DOCK3: variants seen among roughly 807,000 people sequenced by gnomAD.
DOCK3 encodes the protein dedicator of cytokinesis 3.
A neutral mutation model predicts 265.6 loss-of-function variants in DOCK3; 60 were observed. The ratio of observed to expected loss-of-function variants is 0.23; its 90% CI spans 0.18 to 0.28. The LOEUF (loss-of-function observed/expected upper bound fraction) is 0.28, where lower values mean the gene tolerates loss of function less well. Among genes scored for constraint, DOCK3 ranks in the 10% least tolerant of loss-of-function variants. The pLI, the probability that DOCK3 is intolerant of heterozygous loss-of-function variation, is 1.00. For synonymous variants in DOCK3, 881 were observed against 938.0 expected (o/e 0.94, Z 1.11); for missense variants, 1,981 against 2,594.3 (o/e 0.76, Z 5.14).
chr3:51,329,232 T>C (rs1024037903), intron 32 of DOCK3, among the ~76,000 whole-genome samples: 2 of 152,160 alleles, frequency 1.3e-5, no homozygotes, highest in Non-Finnish European at 2.9e-5. Context: ...TCAAAGTGAA[T>C]CCAGTGAGAC....
At chr3:51,151,285 T>C (rs2085576404) in intron 10 of DOCK3, among the ~76,000 whole-genome samples, 1 of 152,220 alleles carries the variant, frequency 6.6e-6, no homozygotes, top group African/African-American at 2.4e-5. Flanking sequence ...TCTGTGTCTT[T>C]TAATTGGGGC....
chr3:51,250,374 T>C (rs980239252), intron 22 of DOCK3, among the ~76,000 whole-genome samples: 2 of 151,742 alleles, frequency 1.3e-5, no homozygotes, highest in African/African-American at 4.8e-5. Context: ...ATCCTAGCAC[T>C]TGGGGAGGCC....
chr3:51,229,187 A>C (rs1255122061), intron 18 of DOCK3, among the ~76,000 whole-genome samples: 1 of 152,178 alleles, frequency 6.6e-6, no homozygotes, highest in African/African-American at 2.4e-5. Context: ...GCGGTGGCTC[A>C]TGCCTGTAAT....
chr3:51,161,471 CA>C (rs1233850683), intron 12 of DOCK3, among the ~76,000 whole-genome samples: 2 of 151,452 alleles, frequency 1.3e-5, no homozygotes, highest in African/African-American at 4.9e-5. Flanking sequence ...AAAAAAAGAA[CA>C]AAAAAATAAA....
At chr3:51,318,870 A>AT (rs1485377018) in intron 32 of DOCK3, among the ~76,000 whole-genome samples, 3 of 152,242 alleles carry the variant, frequency 2.0e-5, no homozygotes, top group African/African-American at 7.2e-5. Context: ...TTTCTAGGAT[A>AT]TAGAAATTCA....
At chr3:51,161,452 AAAAG>A (rs1258392375) in intron 12 of DOCK3, among the ~76,000 whole-genome samples, 2 of 152,272 alleles carry the variant, frequency 1.3e-5, no homozygotes, top group East Asian at 1.9e-4. Flanking sequence ...TCAAAAAAAA[AAAAG>A]AAAGAAAAAA....
chr3:51,338,770 C>T (rs920785760), intron 36 of DOCK3, among the ~76,000 whole-genome samples, 165 bp from the exon 37 acceptor site: 6 of 152,200 alleles, frequency 3.9e-5, no homozygotes, highest in Admixed American at 2.0e-4. Flanking sequence ...GTTCCACCCA[C>T]AGCAGGTGTT....
At chr3:50,880,389 TAAA>T (rs1329403379) in intron 3 of DOCK3, among the ~76,000 whole-genome samples, 2 of 151,978 alleles carry the variant, frequency 1.3e-5, no homozygotes, top group African/African-American at 4.8e-5. Flanking sequence ...GCAAGTCTGA[TAAA>T]GAAGAAAAGA....
At chr3:50,727,309 G>A (rs1318368522) in intron 1 of DOCK3, among the ~76,000 whole-genome samples, 1 of 152,216 alleles carries the variant, frequency 6.6e-6, no homozygotes, top group Non-Finnish European at 1.5e-5. Context: ...CCATGCAAAT[G>A]TTATGCATAA....
At position 50,916,744 on chromosome 3, in the gene DOCK3, G is replaced by A. The variant is rs114857246; in HGVS notation, c.219-17237G>A. ...GAATAGTGTGAACCCGGTAGGGGGA[G>A]CTTACAGTGAGCCGAGATTGCGCCA... On this transcript the variant is annotated intron_variant, in intron 4 of 52. Transcript: ENST00000266037. Among the ~76,000 whole-genome samples, 1,156 of 151,528 alleles carry A rather than the reference G, an allele frequency of 7.6e-3. 20 individuals carry two copies. The highest frequency in any genetic ancestry group is 0.027 in the African/African-American group (1,112 of 41,186).
chr3:51,054,248 T>G (rs1461161982), intron 5 of DOCK3, among the ~76,000 whole-genome samples: 1 of 152,122 alleles, frequency 6.6e-6, no homozygotes, highest in East Asian at 1.9e-4. Context: ...TATACTTCTT[T>G]GTTACAAATA....
intron 11 of DOCK3, 146 bp downstream of exon 11, chr3:51,159,450 C>CATAGCAGTTGAGCTTAGGTA: frequency 1.6e-6 from 1 of 639,892 alleles, no homozygotes; most frequent in Non-Finnish European, 2.7e-6. Flanking sequence ...GAAGCTATAC[C>CATAGCAGTTGAGCTTAGGTA]TAAGCTCAAC....
chr3:51,064,382 T>C, intron 5 of DOCK3, 66 bp from the exon 6 acceptor site: 1 of 1,585,398 alleles, frequency 6.3e-7, no homozygotes, highest in Non-Finnish European at 8.6e-7. Flanking sequence ...TAACTATTTC[T>C]CTTTTTCTTT....
chr3:50,986,469 T>C (rs1391760442), intron 5 of DOCK3, among the ~76,000 whole-genome samples: 1 of 152,218 alleles, frequency 6.6e-6, no homozygotes, highest in Non-Finnish European at 1.5e-5. Context: ...TTCACCCACA[T>C]ATCCCATACT....
chr3:51,117,027 C>T (rs1401718675), intron 9 of DOCK3, among the ~76,000 whole-genome samples: 1 of 152,172 alleles, frequency 6.6e-6, no homozygotes, highest in Non-Finnish European at 1.5e-5. Flanking sequence ...GAGAGGGCAT[C>T]CTTGTCTTGT....
chr3:50,699,166 G>C (rs1184222323), intron 1 of DOCK3, among the ~76,000 whole-genome samples: 1 of 152,176 alleles, frequency 6.6e-6, no homozygotes, highest in Admixed American at 6.5e-5. Context: ...TTGTTGAAGA[G>C]GCTGTCCTTT....
chr3:50,996,897 C>G (rs1273830222), intron 5 of DOCK3, among the ~76,000 whole-genome samples: 1 of 152,070 alleles, frequency 6.6e-6, no homozygotes, highest in African/African-American at 2.4e-5. Context: ...TTCTATTTGC[C>G]CATTTGCTGA....
At chr3:51,294,993 TTG>T (rs1452753527) in intron 27 of DOCK3, among the ~76,000 whole-genome samples, 4 of 152,218 alleles carry the variant, frequency 2.6e-5, no homozygotes, top group African/African-American at 9.6e-5. Flanking sequence ...ACACATCAGA[TTG>T]TGTTTAATAA....
intron 46 of DOCK3, 128 bp from the exon 47 acceptor site, chr3:51,360,383 G>A: frequency 7.8e-7 from 1 of 1,274,148 alleles, no homozygotes; most frequent in South Asian, 1.5e-5. Context: ...AGCAGTTCAG[G>A]TTCAGCCAAC....
Sources: allele counts gnomAD v4.1 joint callset (sites outside exome capture counted in the v4.1 genomes callset), GRCh38; gene constraint gnomAD v4.1.1; transcripts MANE v1.5; gene names NCBI Gene and HGNC (gene_info 2026-07-23, HGNC 2026-07-21).